ZFYVE27: variants seen among roughly 807,000 people sequenced by gnomAD.
The protein encoded by ZFYVE27 is zinc finger FYVE-type containing 27, also known as protrudin.
Under a neutral mutation model 52.8 loss-of-function variants are expected in ZFYVE27, and 36 were observed. That is an observed-to-expected ratio of 0.68 (90% confidence interval 0.52 to 0.90). ZFYVE27 has a LOEUF of 0.90. Among genes scored for constraint, ZFYVE27 ranks in the 40% least tolerant of loss-of-function variants. The pLI is 0.00. For synonymous variants in ZFYVE27, 223 were observed against 215.6 expected (o/e 1.03, Z -0.30); for missense variants, 450 against 527.2 (o/e 0.85, Z 1.43).
chr10:97,748,233 T>C (rs1411807285), intron 4 of ZFYVE27, 36 bp from the exon 5 acceptor site: 1 of 1,606,410 alleles, frequency 6.2e-7, no homozygotes, highest in Non-Finnish European at 8.5e-7. Flanking sequence ...CCAGGGCTTC[T>C]GTCCTGCCCA....
At chr10:97,748,126 T>G in intron 4 of ZFYVE27, 143 bp from the exon 5 acceptor site, 3 of 802,812 alleles carry the variant, frequency 3.7e-6, no homozygotes. Context: ...TCTCCCATGC[T>G]CTCTCGACTC....
At chr10:97,750,854 C>T (rs2046782603) in intron 7 of ZFYVE27, among the ~76,000 whole-genome samples, 1 of 151,914 alleles carries the variant, frequency 6.6e-6, no homozygotes, top group Non-Finnish European at 1.5e-5. Flanking sequence ...AGTCCTCCCA[C>T]CTCAGCCTCT....
At chr10:97,742,200 T>A (rs1482528718) in intron 2 of ZFYVE27, among the ~76,000 whole-genome samples, 1 of 152,136 alleles carries the variant, frequency 6.6e-6, no homozygotes, top group Non-Finnish European at 1.5e-5. Context: ...ATTTTTCTGA[T>A]GTTTGTCTCT....
intron 8 of ZFYVE27, 43 bp from the exon 9 acceptor site, chr10:97,752,814 T>C (rs545480332): frequency 6.2e-7 from 1 of 1,611,252 alleles, no homozygotes; most frequent in East Asian, 2.2e-5. Context: ...TGCTATCTTT[T>C]TCTTTCTGTT....
At chr10:97,738,880 A>T in intron 2 of ZFYVE27, 1 of 604,460 alleles carries the variant, frequency 1.7e-6, no homozygotes, top group Non-Finnish European at 3.0e-6. Context: ...ACTGGGAATG[A>T]TCCTGCCTTT....
At chr10:97,753,823 C>G (rs984735549) in intron 10 of ZFYVE27, among the ~76,000 whole-genome samples, 32 of 152,220 alleles carry the variant, frequency 2.1e-4, no homozygotes, top group South Asian at 4.1e-4. Flanking sequence ...CAAGTTGAAG[C>G]AAACATTGTT....
chr10:97,750,515 G>C, intron 7 of ZFYVE27, 45 bp downstream of exon 7: 4 of 1,610,992 alleles, frequency 2.5e-6, no homozygotes, highest in African/African-American at 1.3e-5. Context: ...CCGCTTGTGG[G>C]CCCCCCTGTT....
At chr10:97,752,176 G>C (rs2027376) in intron 8 of ZFYVE27, among the ~76,000 whole-genome samples, 112,313 of 152,076 alleles carry the variant, frequency 0.74, 41,662 homozygotes, top group Middle Eastern at 0.83. Context: ...GGTCAAGTGG[G>C]AGTTGCCATT....
intron 2 of ZFYVE27, among the ~76,000 whole-genome samples, chr10:97,741,573 A>G (rs2043646162): frequency 1.3e-5 from 2 of 152,138 alleles, no homozygotes; most frequent in Non-Finnish European, 2.9e-5. Flanking sequence ...GTGAGAACAC[A>G]TGGACACAGG....
chr10:97,758,765 A>G (rs1341519947), intron 12 of ZFYVE27, among the ~76,000 whole-genome samples: 9 of 151,974 alleles, frequency 5.9e-5, no homozygotes, highest in Non-Finnish European at 1.3e-4. Flanking sequence ...ATTTTGGGAA[A>G]TTTCACTGTG....
At chr10:97,743,770 A>G (rs1191108933) in intron 3 of ZFYVE27, among the ~76,000 whole-genome samples, 2 of 152,172 alleles carry the variant, frequency 1.3e-5, no homozygotes, top group Non-Finnish European at 2.9e-5. Flanking sequence ...AGAAGTGTGG[A>G]CACATGGGTG....
rs2046970869 is a variant in ZFYVE27, at chr10:97,751,413, A to T, written c.827A>T (p.Glu276Val). Residue 276 changes from glutamate to valine, a missense_variant, in exon 8 of 13, where the codon GAG (glutamate) becomes GTG (valine). Glu to Val is a moderately radical substitution (Grantham distance 121). Coordinates refer to ENST00000684270, the MANE Select transcript of ZFYVE27 (RefSeq NM_001385875.1). ...PTEDLTPGSVEEAEEAEPDEE... is the reference protein window; with the variant it reads ...PTEDLTPGSVVEAEEAEPDEE... ...CAGGACCTCACACCGGGCAGCGTGG[A>T]GGAGGCTGAGGAGGCTGAGCCAGAT... 6.2e-7 allele frequency: 1 copy of T among 1,613,896 alleles called. No individual in the cohort carries two copies. Among genetic ancestry groups the T allele is most frequent in the African/African-American group, 1.3e-5 (1 of 75,024 alleles).
chr10:97,757,330 G>A lies in ZFYVE27; in HGVS notation c.1089+19G>A. ...GAAGAGGGTGAGTGTCTGTGAGGGT[G>A]CATTTGTTGGGGACAGTGTCCTTGG... is the stretch of plus-strand genomic sequence containing the variant. On this transcript the variant is annotated intron_variant, in intron 11 of 12. Coordinates refer to ENST00000684270, the MANE Select transcript of ZFYVE27 (RefSeq NM_001385875.1). 2 of 1,614,132 alleles carry A rather than the reference G, an allele frequency of 1.2e-6. No individual in the cohort carries two copies. The highest frequency in any genetic ancestry group is 8.5e-7 in the Non-Finnish European group (1 of 1,180,010).
intron 6 of ZFYVE27, chr10:97,749,939 C>G (rs946777): frequency 0.65 from 270,292 of 413,552 alleles, 91,561 homozygotes; most frequent in Non-Finnish European, 0.73. Flanking sequence ...GCTACCACAT[C>G]TCTGTGTGAT....
intron 10 of ZFYVE27, among the ~76,000 whole-genome samples, chr10:97,756,424 A>G (rs1300341751): frequency 2.0e-5 from 3 of 152,194 alleles, no homozygotes; most frequent in Non-Finnish European, 4.4e-5. Context: ...TGTAGCCGTC[A>G]ATAAAGCTTT....
Position 97,757,665 on chromosome 10 carries a change from C to T in ZFYVE27, c.1113C>T (p.Asn371=), listed in dbSNP as rs1158582837. The T allele has an allele frequency of 6.2e-7, 1 of 1,614,120 alleles. No homozygotes were observed. Among genetic ancestry groups the T allele is most frequent in the African/African-American group, 1.3e-5 (1 of 74,940 alleles). The change falls in exon 12 of 13, where the codon AAC becomes AAT. Residue 371 remains asparagine, a synonymous_variant. Coordinates refer to ENST00000684270, the MANE Select transcript of ZFYVE27 (RefSeq NM_001385875.1). ...KKRRSCSNCG[N]SFCSRCCSFK... ...AGCGGAGCTGCAGTAATTGTGGAAA[C>T]AGCTTCTGCTCTCGATGCTGCTCCT...
chr10:97,749,257 C>G (rs1229077861), intron 5 of ZFYVE27, among the ~76,000 whole-genome samples: 1 of 152,192 alleles, frequency 6.6e-6, no homozygotes, highest in African/African-American at 2.4e-5. Flanking sequence ...CCAGCTGACA[C>G]CACTTTGGCC....
chr10:97,755,833 G>A lies in ZFYVE27; in HGVS notation c.1043-1432G>A, dbSNP rs74152029. On this transcript the variant is annotated intron_variant, in intron 10 of 12. Transcript: ENST00000684270. Reference sequence around the variant, plus strand: ...CCCTGGCAGGCCCCACTGGGCCTTAGTGCCCCTGCTGTCATGGCCTCGGTG... The same window carrying A: ...CCCTGGCAGGCCCCACTGGGCCTTAATGCCCCTGCTGTCATGGCCTCGGTG... Among the ~76,000 whole-genome samples the A allele has an allele frequency of 9.2e-3, 1,405 of 152,346 alleles. 25 individuals carry two copies. The highest frequency in any genetic ancestry group is 0.03 in the African/African-American group (1,253 of 41,574).
At chr10:97,747,973 C>G (rs749767575) in intron 4 of ZFYVE27, among the ~76,000 whole-genome samples, 5 of 152,180 alleles carry the variant, frequency 3.3e-5, no homozygotes, top group Admixed American at 1.3e-4. Flanking sequence ...GATAAAGAAG[C>G]CACAGCCCTG....
Sources: allele counts gnomAD v4.1 joint callset (sites outside exome capture counted in the v4.1 genomes callset), GRCh38; gene constraint gnomAD v4.1.1; transcripts MANE v1.5; gene names NCBI Gene and HGNC (gene_info 2026-07-23, HGNC 2026-07-21).